The following TTC27 variants were observed in gnomAD, a reference collection of about 807,000 sequenced individuals.
TTC27 encodes tetratricopeptide repeat domain 27.
A neutral mutation model predicts 115.9 loss-of-function variants in TTC27; 79 were observed. The observed-to-expected ratio is 0.68, with a 90% CI of 0.57 to 0.82. TTC27 has a LOEUF of 0.82. Ranked by LOEUF, TTC27 falls within the 40% of genes least tolerant of loss-of-function variation. TTC27 has a pLI of 0.00. For missense variants in TTC27, 1,054 were observed against 993.1 expected (o/e 1.06, Z -0.82); for synonymous variants, 401 against 356.0 (o/e 1.13, Z -1.42).
chr2:32,675,980 CAG>C (rs1005056666), intron 8 of TTC27, among the ~76,000 whole-genome samples: 1 of 151,928 alleles, frequency 6.6e-6, no homozygotes, highest in African/African-American at 2.4e-5. Context: ...TTAGTAGAGA[CAG>C]GGTTTCACCA....
At chr2:32,685,713 T>A (rs774797282) in intron 9 of TTC27, among the ~76,000 whole-genome samples, 1 of 152,172 alleles carries the variant, frequency 6.6e-6, no homozygotes, top group Admixed American at 6.5e-5. Flanking sequence ...AAACTAGGAA[T>A]AGAAGAGAAT....
intron 12 of TTC27, among the ~76,000 whole-genome samples, chr2:32,752,335 A>G (rs1005804656): frequency 1.1e-4 from 16 of 152,226 alleles, no homozygotes; most frequent in African/African-American, 3.9e-4. Context: ...AATTAACAAC[A>G]GCCTTTTTGT....
At chr2:32,729,820 CT>C (rs769663243) in intron 10 of TTC27, among the ~76,000 whole-genome samples, 25 of 152,256 alleles carry the variant, frequency 1.6e-4, no homozygotes, top group Middle Eastern at 3.4e-3. Context: ...TCTTCTCCCC[CT>C]GTCTCCATTT....
intron 10 of TTC27, among the ~76,000 whole-genome samples, chr2:32,729,932 T>C (rs1180485505): frequency 6.6e-6 from 1 of 151,956 alleles, no homozygotes; most frequent in Non-Finnish European, 1.5e-5. Context: ...AAAGAGAAAA[T>C]GGGTAAGTGC....
intron 11 of TTC27, among the ~76,000 whole-genome samples, chr2:32,734,345 A>T (rs1237019803): frequency 6.6e-6 from 1 of 152,176 alleles, no homozygotes; most frequent in East Asian, 1.9e-4. Flanking sequence ...AGCAGCTGGG[A>T]CTACAGATGT....
intron 4 of TTC27, among the ~76,000 whole-genome samples, chr2:32,644,831 T>C (rs1182111204): frequency 2.0e-5 from 3 of 147,648 alleles, no homozygotes; most frequent in African/African-American, 7.4e-5. Flanking sequence ...CTCCCTCCTT[T>C]CCTTCGTTCC....
chr2:32,666,492 C>T, intron 6 of TTC27, 143 bp from the exon 7 acceptor site: 1 of 770,704 alleles, frequency 1.3e-6, no homozygotes, highest in Non-Finnish European at 1.8e-6. Context: ...CATTTAAAAC[C>T]TGAGGCTGGG....
chr2:32,755,095 A>G (rs530926344), intron 12 of TTC27, among the ~76,000 whole-genome samples: 1 of 151,262 alleles, frequency 6.6e-6, no homozygotes, highest in East Asian at 2.0e-4. Context: ...CTCACTTCCT[A>G]GATGGGATGG....
intron 12 of TTC27, among the ~76,000 whole-genome samples, chr2:32,752,358 G>A (rs1190141571): frequency 6.6e-6 from 1 of 152,170 alleles, no homozygotes; most frequent in Non-Finnish European, 1.5e-5. Context: ...TAAGTTATTG[G>A]ATGCCTTCCT....
intron 13 of TTC27, among the ~76,000 whole-genome samples, chr2:32,761,093 A>G (rs915369654): frequency 6.6e-6 from 1 of 152,002 alleles, no homozygotes; most frequent in African/African-American, 2.4e-5. Context: ...CGATCTCCCC[A>G]TTCCTCACTC....
At chr2:32,806,577 G>A (rs191142951) in intron 16 of TTC27, among the ~76,000 whole-genome samples, 4 of 152,102 alleles carry the variant, frequency 2.6e-5, no homozygotes, top group South Asian at 4.2e-4. Context: ...TCAGGAGATC[G>A]AGACCATCCT....
At chr2:32,769,167 A>G (rs942108700) in intron 13 of TTC27, among the ~76,000 whole-genome samples, 1 of 152,198 alleles carries the variant, frequency 6.6e-6, no homozygotes, top group Non-Finnish European at 1.5e-5. Flanking sequence ...CTGAAGTTGG[A>G]AGAAGATAGG....
chr2:32,812,417 A>T (rs1007101343), intron 17 of TTC27, 87 bp from the exon 18 acceptor site: 65 of 948,380 alleles, frequency 6.9e-5, no homozygotes, highest in Non-Finnish European at 9.3e-5. Context: ...TTCACATTGG[A>T]ATTAGTTCCA....
chr2:32,796,868 C>CT (rs566417914), intron 16 of TTC27, among the ~76,000 whole-genome samples: 6 of 151,066 alleles, frequency 4.0e-5, no homozygotes, highest in Non-Finnish European at 7.4e-5. Flanking sequence ...ATTTTTTTTT[C>CT]TTTTTTTAAG....
chr2:32,672,502 G>A (rs989590219), intron 8 of TTC27, 118 bp downstream of exon 8: 3 of 682,996 alleles, frequency 4.4e-6, no homozygotes, highest in East Asian at 5.4e-5. Context: ...ATTTTGTAGT[G>A]CTTATGAAGA....
chr2:32,677,332 G>A (rs1666247797), intron 8 of TTC27, among the ~76,000 whole-genome samples: 1 of 151,470 alleles, frequency 6.6e-6, no homozygotes, highest in African/African-American at 2.4e-5. Flanking sequence ...ATATTGCTAT[G>A]GATATTTATG....
Position 32,732,632 on chromosome 2 carries a change from A to G in TTC27, c.1234-1196A>G, listed in dbSNP as rs532922315. Among the ~76,000 whole-genome samples, 8 of 152,206 alleles carry G rather than the reference A, an allele frequency of 5.3e-5. No individual in the cohort carries two copies. The South Asian group carries it at 1.5e-3, about 28-fold the overall frequency. ...TTTCCATTTAAAAAATTAATTTTGT[A>G]AAAATTTTAAACAGTTTCCAAGTTA... On this transcript the variant is annotated intron_variant, in intron 10 of 19. Transcript: ENST00000317907.
At chr2:32,683,352 A>T (rs948566923) in intron 9 of TTC27, among the ~76,000 whole-genome samples, 5 of 152,092 alleles carry the variant, frequency 3.3e-5, no homozygotes, top group African/African-American at 9.7e-5. Flanking sequence ...GACAGTGGTT[A>T]TTTGGTGTTT....
intron 14 of TTC27, among the ~76,000 whole-genome samples, chr2:32,779,747 C>T (rs887496775): frequency 6.6e-6 from 1 of 152,174 alleles, no homozygotes; most frequent in African/African-American, 2.4e-5. Flanking sequence ...AGATGTACTC[C>T]TATCTTTTCT....
Sources: gnomAD v4.1 joint callset for allele counts (sites outside exome capture counted in the v4.1 genomes callset) on GRCh38, gnomAD v4.1.1 for gene constraint, MANE v1.5 for transcripts, NCBI Gene and HGNC (gene_info 2026-07-23, HGNC 2026-07-21) for gene names.